The following TIMM44 variants were observed in gnomAD, a reference collection of about 807,000 sequenced individuals.
TIMM44 encodes the protein translocase of inner mitochondrial membrane 44.
TIMM44 carries 37 observed loss-of-function variants against 63.8 expected under a neutral mutation model. The observed-to-expected ratio is 0.58, with a 90% CI of 0.45 to 0.76. TIMM44 has a LOEUF of 0.76. TIMM44 is among the 30% of genes least tolerant of loss of function. TIMM44 has a pLI of 0.00. For synonymous variants in TIMM44, 239 were observed against 245.1 expected, an observed-to-expected ratio of 0.98 and a Z score of 0.23; for missense variants, 573 against 603.8, an observed-to-expected ratio of 0.95 and a Z score of 0.54.
At chr19:7,941,994 G>A (rs1984324697) in intron 1 of TIMM44, among the ~76,000 whole-genome samples, 1 of 152,244 alleles carries the variant, frequency 6.6e-6, no homozygotes, top group Non-Finnish European at 1.5e-5. Context: ...CAAGGGTTGA[G>A]CTATAAACAG....
chr19:7,938,630 A>C (rs1442822073), intron 2 of TIMM44, among the ~76,000 whole-genome samples: 1 of 152,084 alleles, frequency 6.6e-6, no homozygotes, highest in Admixed American at 6.6e-5. Context: ...AAAATGGTGA[A>C]ACCTCATCTC....
chr19:7,926,991 GGA>G lies in TIMM44; in HGVS notation c.*194_*195del. 2.7e-6 allele frequency: 2 copies of G among 741,546 alleles called. No individual in the cohort carries two copies. The highest frequency in any genetic ancestry group is 4.4e-6 in the Non-Finnish European group (2 of 454,430). 45.9% of individuals were successfully genotyped at this position (741,546 alleles called of 1,614,324 possible). ...ACAGGGCAGGGGTTGGCCCTGCGGG[GGA>G]GTGTCTCCAGCTGCCGCGCACCCGC... On this transcript the variant is annotated 3_prime_UTR_variant, in exon 13 of 13. Coordinates refer to ENST00000270538, the MANE Select transcript of TIMM44 (RefSeq NM_006351.4).
At chr19:7,927,627 G>A (rs938983635) in intron 12 of TIMM44, 30 bp downstream of exon 12, 2 of 1,591,738 alleles carry the variant, frequency 1.3e-6, no homozygotes, top group Non-Finnish European at 1.7e-6. Flanking sequence ...GCGGTGTCAT[G>A]TGCCTGCCCC....
At position 7,934,390 on chromosome 19, in the gene TIMM44, C is replaced by A; in HGVS notation, c.394-152G>T. ...TGTGCTCCTGTGGTACGCGGCACCC[C>A]CAGAGCCATGAGCACAACGGCACCC... On this transcript the variant is annotated intron_variant, in intron 4 of 12. Transcript: ENST00000270538. This position sits in a 1 kb window ranked among gnomAD's most constrained non-coding sequence, Gnocchi z 5.3. 1 of 1,039,284 alleles carries A rather than the reference C, an allele frequency of 9.6e-7. No individual in the cohort carries two copies. The highest frequency in any genetic ancestry group is 1.4e-6 in the Non-Finnish European group (1 of 699,998). 64.4% of individuals were successfully genotyped at this position (1,039,284 alleles called of 1,614,324 possible).
chr19:7,933,535 T>C lies in TIMM44; in HGVS notation c.719A>G (p.Lys240Arg), dbSNP rs1235083592. 3.7e-6 allele frequency: 6 copies of C among 1,614,074 alleles called. No individual in the cohort carries two copies. Among genetic ancestry groups the C allele is most frequent in the African/African-American group, 1.3e-5 (1 of 75,046 alleles). The change falls in exon 7 of 13, where the codon AAG becomes AGG. Residue 240 changes from lysine to arginine, a missense_variant. Transcript: ENST00000270538. The surrounding 1 kb of genome is among the most constrained non-coding windows in gnomAD (Gnocchi z 4.3). ...GAAGTCCTTCCACTGCTGGTACCACTTGGAGTCCTTGTGCAGCACGACCCC... is the reference window on the plus strand; with the variant it reads ...GAAGTCCTTCCACTGCTGGTACCACCTGGAGTCCTTGTGCAGCACGACCCC... ...ALGVVLHKDS[K>R]WYQQWKDFKE... is the part of the protein sequence containing the mutation.
Position 7,940,194 on chromosome 19 carries a change from C to T in TIMM44, c.141+908G>A, listed in dbSNP as rs7254058. Reference sequence around the variant, plus strand: ...GCTGCAGTGAGCCGTGATAGTGCCACTGCACCCCAGCCTGGGCCACAGAGT... The same window carrying T: ...GCTGCAGTGAGCCGTGATAGTGCCATTGCACCCCAGCCTGGGCCACAGAGT... On this transcript the variant is annotated intron_variant, in intron 2 of 12. Coordinates refer to ENST00000270538, the MANE Select transcript of TIMM44 (RefSeq NM_006351.4). Among the ~76,000 whole-genome samples the T allele has an allele frequency of 4.3e-3, 657 of 151,780 alleles. 5 individuals are homozygous for T. Among genetic ancestry groups the T allele is most frequent in the African/African-American group, 0.015 (623 of 41,352 alleles).
chr19:7,941,271 A>T, intron 1 of TIMM44, 74 bp from the exon 2 acceptor site: 1 of 1,197,620 alleles, frequency 8.3e-7, no homozygotes, highest in Non-Finnish European at 1.2e-6. Flanking sequence ...CCACACACAA[A>T]ACAGCAGGGT....
At chr19:7,931,406 G>A in intron 9 of TIMM44, 1 of 580,498 alleles carries the variant, frequency 1.7e-6, no homozygotes, top group Non-Finnish European at 3.1e-6. Flanking sequence ...CACAGGCGGA[G>A]GGCGGCCTGC....
Position 7,941,225 on chromosome 19 carries a change from C to T in TIMM44, c.46-28G>A, listed in dbSNP as rs751759699. 4 of 1,558,634 alleles carry T rather than the reference C, an allele frequency of 2.6e-6. No homozygotes were observed. The South Asian group carries it at 4.4e-5, about 17-fold the overall frequency. ...AATTGGGGGGAGAGAAGAGAAAGAT[C>T]CATTCTAACAAGAGGTTGACTGAGA... On this transcript the variant is annotated intron_variant, in intron 1 of 12. Coordinates refer to ENST00000270538, the MANE Select transcript of TIMM44 (RefSeq NM_006351.4).
rs1005947056 is a variant in TIMM44, at chr19:7,933,345, A to G, written c.769+140T>C. Reference sequence around the variant, plus strand: ...ACAGCCCCACCATCATGTGACCGCAAAGAAGTGACCGGCCCACTCTGACCC... The same window carrying G: ...ACAGCCCCACCATCATGTGACCGCAGAGAAGTGACCGGCCCACTCTGACCC... On this transcript the variant is annotated intron_variant, in intron 7 of 12. Transcript: ENST00000270538. This position sits in a 1 kb window ranked among gnomAD's most constrained non-coding sequence, Gnocchi z 4.3. The G allele has an allele frequency of 1.2e-6, 1 of 826,078 alleles. No homozygotes were observed. The highest frequency in any genetic ancestry group is 2.2e-6 in the Non-Finnish European group (1 of 462,576). 51.2% of individuals were successfully genotyped at this position (826,078 alleles called of 1,614,324 possible).
rs150088116 is a variant in TIMM44 at position 7,928,102 on chromosome 19, C to A, written c.1103G>T (p.Arg368Leu). ...AKALGLQFHSRILDIDNVDLA... is the reference protein window; with the variant it reads ...AKALGLQFHSLILDIDNVDLA... The stretch of plus-strand genomic sequence containing the variant: ...GTCGACGTTGTCAATGTCTAGGATG[C>A]GAGAATGGAACTGGAGACCCAGTGC... The change falls in exon 11 of 13, where the codon CGC becomes CTC. Residue 368 changes from arginine to leucine, a missense_variant. Transcript: ENST00000270538. 5.6e-6 allele frequency: 9 copies of A among 1,614,042 alleles called. No individual in the cohort carries two copies. In the Admixed American group the frequency reaches 1.2e-4, roughly 21 times the overall value.
intron 10 of TIMM44, chr19:7,928,533 G>A (rs776803011): frequency 3.1e-5 from 8 of 258,576 alleles, no homozygotes; most frequent in Non-Finnish European, 5.3e-5. Flanking sequence ...GAGATCAAAC[G>A]CCTCTTCTAG....
chr19:7,926,851 G>T lies in TIMM44; in HGVS notation c.*336C>A. The T allele has an allele frequency of 2.7e-6, 1 of 370,798 alleles. No individual in the cohort carries two copies. Among genetic ancestry groups the T allele is most frequent in the Admixed American group, 3.9e-5 (1 of 25,542 alleles). 23.0% of individuals were successfully genotyped at this position (370,798 alleles called of 1,614,324 possible). Reference sequence around the variant, plus strand: ...TGGCTAGCGGGCCACTGAGCCGCGGGTCCCGGGTCCCACCCTGCTGTGGGG... The same window carrying T: ...TGGCTAGCGGGCCACTGAGCCGCGGTTCCCGGGTCCCACCCTGCTGTGGGG... On this transcript the variant is annotated 3_prime_UTR_variant, in exon 13 of 13. Coordinates refer to ENST00000270538, the MANE Select transcript of TIMM44 (RefSeq NM_006351.4).
chr19:7,931,449 A>G lies in TIMM44; in HGVS notation c.988-261T>C, dbSNP rs550271542. On this transcript the variant is annotated intron_variant, in intron 9 of 12. Transcript: ENST00000270538. Reference sequence around the variant, plus strand: ...CACCCAGGAGGCACCCCACAGGGGGACCCCCCTGGAACCTGGTGGAGGAAG... The same window carrying G: ...CACCCAGGAGGCACCCCACAGGGGGGCCCCCCTGGAACCTGGTGGAGGAAG... 2.0e-3 allele frequency: 1,001 copies of G among 500,066 alleles called. 3 individuals carry two copies. The highest frequency in any genetic ancestry group is 2.8e-3 in the Middle Eastern group (5 of 1,788). 31.0% of individuals were successfully genotyped at this position (500,066 alleles called of 1,614,324 possible). A position where few individuals can be genotyped will look rare whatever the true frequency, so the allele number is the denominator to read the frequency against.
intron 3 of TIMM44, among the ~76,000 whole-genome samples, chr19:7,937,360 A>G (rs1323787956): frequency 6.6e-6 from 1 of 152,224 alleles, no homozygotes; most frequent in East Asian, 1.9e-4. Context: ...AGCTCTCAGG[A>G]GCGCTGCATC....
intron 12 of TIMM44, 24 bp downstream of exon 12, chr19:7,927,633 G>T (rs1426157838): frequency 1.2e-6 from 2 of 1,602,728 alleles, no homozygotes; most frequent in African/African-American, 2.7e-5. Context: ...TCATGTGCCT[G>T]CCCCATCCCA....
rs1478402560 is a variant in TIMM44, at chr19:7,934,750, C to T, written c.393+315G>A. On this transcript the variant is annotated intron_variant, in intron 4 of 12. Coordinates refer to ENST00000270538, the MANE Select transcript of TIMM44 (RefSeq NM_006351.4). The surrounding 1 kb of genome is among the most constrained non-coding windows in gnomAD (Gnocchi z 5.3). ...CCAGGAATCCTGCCTCCCGCCTCTA[C>T]CCTCGGGAGGGGGTGGAAGCGGCCC... Among the ~76,000 whole-genome samples the T allele has an allele frequency of 6.6e-6, 1 of 152,182 alleles. No individual in the cohort carries two copies. The highest frequency in any genetic ancestry group is 2.4e-5 in the African/African-American group (1 of 41,432).
rs1416111619 is a variant in TIMM44 at position 7,943,366 on chromosome 19, G to A, written c.45+241C>T. ...GTGGAGTCTGATCAGAGGGCGAAGG[G>A]TGATCAGCTCCCTCCCAGGTCCCGC... On this transcript the variant is annotated intron_variant, in intron 1 of 12. Coordinates refer to ENST00000270538, the MANE Select transcript of TIMM44 (RefSeq NM_006351.4). This position sits in a 1 kb window ranked among gnomAD's most constrained non-coding sequence, Gnocchi z 4.3. Among the ~76,000 whole-genome samples the A allele has an allele frequency of 1.3e-5, 2 of 151,792 alleles. No individual in the cohort carries two copies. Among genetic ancestry groups the A allele is most frequent in the Admixed American group, 1.3e-4 (2 of 15,238 alleles).
rs767042795 is a variant in TIMM44, at chr19:7,943,290, T to C, written c.45+317A>G. On this transcript the variant is annotated intron_variant, in intron 1 of 12. Transcript: ENST00000270538. The surrounding 1 kb of genome is among the most constrained non-coding windows in gnomAD (Gnocchi z 4.3). ...CACGTTTTTTTGCCTTCCCCTCTAC[T>C]TTTTTCCACGGGACGCCGCCGCCCC... Among the ~76,000 whole-genome samples the C allele has an allele frequency of 5.9e-5, 9 of 152,088 alleles. No homozygotes were observed. Among genetic ancestry groups the C allele is most frequent in the Non-Finnish European group, 1.0e-4 (7 of 68,004 alleles).
Sources: allele counts gnomAD v4.1 joint callset (sites outside exome capture counted in the v4.1 genomes callset), GRCh38; gene constraint gnomAD v4.1.1; non-coding constraint Gnocchi (gnomAD v3.1); transcripts MANE v1.5; gene names NCBI Gene and HGNC (gene_info 2026-07-23, HGNC 2026-07-21).